The following PRSS37 variants were observed in gnomAD, a reference collection of about 807,000 sequenced individuals.
PRSS37 encodes the protein probable inactive serine protease 37.
Under a neutral mutation model 28.0 loss-of-function variants are expected in PRSS37, and 25 were observed. The observed-to-expected ratio is 0.89, with a 90% CI of 0.65 to 1.25. The LOEUF (loss-of-function observed/expected upper bound fraction) is 1.25. Ranked by LOEUF, PRSS37 falls within the 50% of genes most tolerant of loss-of-function variation. The pLI, the probability that PRSS37 is intolerant of heterozygous loss-of-function variation, is 0.00. For synonymous variants in PRSS37, 109 were observed against 107.8 expected, an observed-to-expected ratio of 1.01 and a Z score of -0.07; for missense variants, 282 against 292.2, an observed-to-expected ratio of 0.97 and a Z score of 0.25.
In PRSS37 at chr7:141,838,107, C is replaced by T; in HGVS notation, c.183G>A (p.Leu61=). 3 of 1,613,818 alleles carry T rather than the reference C, an allele frequency of 1.9e-6. No homozygotes were observed. The highest frequency in any genetic ancestry group is 2.5e-6 in the Non-Finnish European group (3 of 1,179,976). ...TCTTGAAATTTCCCAGCATCACTTTCAGATTTCTGGAGGGAGAGGGGTTGG... is the reference window on the plus strand; with the variant it reads ...TCTTGAAATTTCCCAGCATCACTTTTAGATTTCTGGAGGGAGAGGGGTTGG... ...LAPAHCYLPN[L]KVMLGNFKSR... Residue 61 remains leucine (L), a synonymous_variant, in exon 3 of 5, where the codon CTG becomes CTA. Coordinates refer to ENST00000350549, the MANE Select transcript of PRSS37 (RefSeq NM_001008270.3).
Position 141,841,267 on chromosome 7 carries a change from G to T in PRSS37, c.-218C>A. The T allele has an allele frequency of 9.5e-7, 1 of 1,056,114 alleles. No individual in the cohort carries two copies. The highest frequency in any genetic ancestry group is 1.3e-6 in the Non-Finnish European group (1 of 774,954). 65.4% of individuals were successfully genotyped at this position (1,056,114 alleles called of 1,614,324 possible). ...GCCCTCTGTTCCAGGGAAGGTGGAGGACTGTGCCTCTGTTGGGGCATTTCA... is the reference window on the plus strand; with the variant it reads ...GCCCTCTGTTCCAGGGAAGGTGGAGTACTGTGCCTCTGTTGGGGCATTTCA... On this transcript the variant is annotated 5_prime_UTR_variant, in exon 1 of 5. Transcript: ENST00000350549.
rs1447114414 is a variant in PRSS37 at position 141,838,083 on chromosome 7, C to T, written c.207G>A (p.Lys69=). ...PNLKVMLGNF[K]SRVRDGTEQT... is the part of the protein sequence containing the mutation. ...GTTCAGTACCGTCTCTGACTCTGCTCTTGAAATTTCCCAGCATCACTTTCA... is the reference window on the plus strand; with the variant it reads ...GTTCAGTACCGTCTCTGACTCTGCTTTTGAAATTTCCCAGCATCACTTTCA... The change falls in exon 3 of 5, where the codon AAG becomes AAA. Residue 69 remains lysine, a synonymous_variant. Transcript: ENST00000350549. 7 of 1,613,968 alleles carry T rather than the reference C, an allele frequency of 4.3e-6. No individual in the cohort carries two copies. The Admixed American group carries it at 5.0e-5, about 12-fold the overall frequency.
At chr7:141,840,761 C>T (rs7786579) in intron 1 of PRSS37, among the ~76,000 whole-genome samples, 23,247 of 152,112 alleles carry the variant, frequency 0.15, 1,896 homozygotes, top group East Asian at 0.24. Flanking sequence ...GCATTAGTGT[C>T]GGTGGGAGGA....
chr7:141,836,865 T>C (rs1800975101), intron 4 of PRSS37, among the ~76,000 whole-genome samples: 1 of 152,240 alleles, frequency 6.6e-6, no homozygotes, highest in Non-Finnish European at 1.5e-5. Context: ...TTCACAATTT[T>C]GCTTGTAGTT....
rs200170292 is a variant in PRSS37, at chr7:141,836,386, A to G, written c.*9T>C. On this transcript the variant is annotated 3_prime_UTR_variant, in exon 5 of 5. Coordinates refer to ENST00000350549, the MANE Select transcript of PRSS37 (RefSeq NM_001008270.3). Reference sequence around the variant, plus strand: ...AGAGCCAGTGGAATGCAGAGGGAGAAGTAGGGTCTCACTTGTCCTTAGCAG... The same window carrying G: ...AGAGCCAGTGGAATGCAGAGGGAGAGGTAGGGTCTCACTTGTCCTTAGCAG... The G allele has an allele frequency of 1.8e-4, 286 of 1,613,796 alleles. No homozygotes were observed. In the African/African-American group the frequency reaches 3.6e-3, roughly 20 times the overall value.
intron 3 of PRSS37, chr7:141,837,633 G>A (rs1336422881): frequency 6.6e-7 from 1 of 1,518,412 alleles, no homozygotes; most frequent in Non-Finnish European, 8.8e-7. Context: ...TGGCCTGGTG[G>A]CTCCAGCTGC....
Position 141,841,236 on chromosome 7 carries a change from A to G in PRSS37, c.-187T>C. 7.6e-7 allele frequency: 1 copy of G among 1,312,748 alleles called. No homozygotes were observed. The highest frequency in any genetic ancestry group is 1.5e-5 in the South Asian group (1 of 66,544). The allele number at this position is 1,312,748 out of a possible 1,614,324, so 81.3% of individuals were successfully genotyped here. On this transcript the variant is annotated 5_prime_UTR_variant, in exon 1 of 5. Coordinates refer to ENST00000350549, the MANE Select transcript of PRSS37 (RefSeq NM_001008270.3). The stretch of plus-strand genomic sequence containing the variant: ...GAGGGAGATGGCTTCAGAGAGACAG[A>G]TGAAAGCCCTCTGTTCCAGGGAAGG...
intron 2 of PRSS37, 146 bp downstream of exon 2, chr7:141,839,192 A>G: frequency 1.4e-6 from 1 of 725,590 alleles, no homozygotes; most frequent in Non-Finnish European, 2.3e-6. Context: ...ATTAGATGCC[A>G]ATAGCACTGC....
At chr7:141,838,784 C>A in intron 2 of PRSS37, 1 of 332,570 alleles carries the variant, frequency 3.0e-6, no homozygotes, top group East Asian at 7.8e-5. Context: ...CTCTCCTTGC[C>A]TCCTTTGAAA....
chr7:141,836,350 T>TAGTC lies in PRSS37; in HGVS notation c.*41_*44dup. Reference sequence around the variant, plus strand: ...ATAGAGGGAAAATTATCTGCTTGTATAGTCCATGGCAGAGCCAGTGGAATG... The same window carrying TAGTC: ...ATAGAGGGAAAATTATCTGCTTGTATAGTCAGTCCATGGCAGAGCCAGTGGAATG... On this transcript the variant is annotated 3_prime_UTR_variant, in exon 5 of 5. Transcript: ENST00000350549. The TAGTC allele has an allele frequency of 6.3e-7, 1 of 1,590,636 alleles. No individual in the cohort carries two copies. The highest frequency in any genetic ancestry group is 8.6e-7 in the Non-Finnish European group (1 of 1,163,012).
At position 141,841,249 on chromosome 7, in the gene PRSS37, G is replaced by C; in HGVS notation, c.-200C>G. The C allele has an allele frequency of 8.1e-7, 1 of 1,232,082 alleles. No individual in the cohort carries two copies. Among genetic ancestry groups the C allele is most frequent in the East Asian group, 2.9e-5 (1 of 34,340 alleles). 76.3% of individuals were successfully genotyped at this position (1,232,082 alleles called of 1,614,324 possible). A position where few individuals can be genotyped will look rare whatever the true frequency, so the allele number is the denominator to read the frequency against. Reference sequence around the variant, plus strand: ...TCAGAGAGACAGATGAAAGCCCTCTGTTCCAGGGAAGGTGGAGGACTGTGC... The same window carrying C: ...TCAGAGAGACAGATGAAAGCCCTCTCTTCCAGGGAAGGTGGAGGACTGTGC... On this transcript the variant is annotated 5_prime_UTR_variant, in exon 1 of 5. Coordinates refer to ENST00000350549, the MANE Select transcript of PRSS37 (RefSeq NM_001008270.3).
intron 4 of PRSS37, 139 bp from the exon 5 acceptor site, chr7:141,836,674 GA>G: frequency 1.1e-6 from 1 of 904,714 alleles, no homozygotes; most frequent in Non-Finnish European, 1.6e-6. Flanking sequence ...CGAATCAGGG[GA>G]CAGGATGCTT....
In PRSS37 at chr7:141,837,153, A is replaced by C; in HGVS notation, c.526T>G (p.Leu176Val). Residue 176 changes from leucine to valine, a missense_variant, in exon 4 of 5, where the codon TTA becomes GTA. By Grantham distance (32) the Leu-to-Val change is conservative (BLOSUM62 1). Transcript: ENST00000350549. ...AATACTTTCACAAATTTCACACATAAGGAATTCCTGTGGCTTTTTCCTTGT... is the reference window on the plus strand; with the variant it reads ...AATACTTTCACAAATTTCACACATACGGAATTCCTGTGGCTTTTTCCTTGT... ...TEQGKSHRNS[L>V]CVKFVKVFSR... 1.2e-6 allele frequency: 2 copies of C among 1,613,442 alleles called. No individual in the cohort carries two copies. Among genetic ancestry groups the C allele is most frequent in the South Asian group, 1.1e-5 (1 of 90,788 alleles).
rs547637230 is a variant in PRSS37, at chr7:141,836,937, T to G, written c.567+175A>C. Reference sequence around the variant, plus strand: ...GGAAGTACTTTATAATGTCCTTTAATGAATAAAGACAATTTAAGGGGATCC... The same window carrying G: ...GGAAGTACTTTATAATGTCCTTTAAGGAATAAAGACAATTTAAGGGGATCC... On this transcript the variant is annotated intron_variant, in intron 4 of 4. Coordinates refer to ENST00000350549, the MANE Select transcript of PRSS37 (RefSeq NM_001008270.3). Among the ~76,000 whole-genome samples, 10 of 152,330 alleles carry G rather than the reference T, an allele frequency of 6.6e-5. No individual in the cohort carries two copies. In the South Asian group the frequency reaches 2.1e-3, roughly 32 times the overall value.
chr7:141,838,182 A>T, intron 2 of PRSS37, 69 bp from the exon 3 acceptor site: 1 of 1,599,174 alleles, frequency 6.3e-7, no homozygotes, highest in South Asian at 1.1e-5. Flanking sequence ...TGAATGTTAC[A>T]AAGTGCCAGG....
chr7:141,840,045 GAAC>G, intron 1 of PRSS37, among the ~76,000 whole-genome samples: 1 of 151,870 alleles, frequency 6.6e-6, no homozygotes, highest in East Asian at 1.9e-4. Flanking sequence ...AAGTTAAAAA[GAAC>G]AAGAAAATTG....
In PRSS37 at chr7:141,837,958, A is replaced by G. The variant is rs1801017440; in HGVS notation, c.332T>C (p.Leu111Pro). 3 of 1,614,102 alleles carry G rather than the reference A, an allele frequency of 1.9e-6. No individual in the cohort carries two copies. In the East Asian group the frequency reaches 6.7e-5, roughly 36 times the overall value. The change falls in exon 3 of 5, where the codon CTC (leucine) becomes CCC (proline). Residue 111 changes from leucine (L) to proline (P), a missense_variant. Leu to Pro is a moderately conservative substitution (Grantham distance 98, BLOSUM62 -3). Coordinates refer to ENST00000350549, the MANE Select transcript of PRSS37 (RefSeq NM_001008270.3). ...MLIKLAKPAMLNPKVQPLTLA... is the reference protein window; with the variant it reads ...MLIKLAKPAMPNPKVQPLTLA... ...GGTAAGGGGCTGGACTTTGGGATTG[A>G]GCATGGCAGGCTTAGCCAGCTTGAT...
Position 141,839,379 on chromosome 7 carries a change from G to C in PRSS37, c.135C>G (p.Ile45Met). The stretch of plus-strand genomic sequence containing the variant: ...CTGGGGCCAGCACCCAGCTGGGTTT[G>C]ATGAGGACGCCCACACAGGGGTTGA... ...SHFNPCVGVL[I>M]KPSWVLAPAH... Residue 45 changes from isoleucine (I) to methionine (M), a missense_variant, in exon 2 of 5, where the codon ATC becomes ATG. Transcript: ENST00000350549. 6.2e-7 allele frequency: 1 copy of C among 1,613,882 alleles called. No homozygotes were observed. The highest frequency in any genetic ancestry group is 8.5e-7 in the Non-Finnish European group (1 of 1,179,822).
intron 2 of PRSS37, chr7:141,838,906 C>T (rs765324767): frequency 1.4e-5 from 6 of 442,588 alleles, no homozygotes; most frequent in South Asian, 8.1e-5. Context: ...GTCTCCATAC[C>T]TTTGCAATTG....
Sources: gnomAD v4.1 joint callset for allele counts (sites outside exome capture counted in the v4.1 genomes callset) on GRCh38, gnomAD v4.1.1 for gene constraint, MANE v1.5 for transcripts, NCBI Gene and HGNC (gene_info 2026-07-23, HGNC 2026-07-21) for gene names.